Variants in HOXC4 observed in about 807,000 individuals in gnomAD.
The protein encoded by HOXC4 is homeobox C4.
Under a neutral mutation model 25.5 loss-of-function variants are expected in HOXC4, and 15 were observed. The ratio of observed to expected loss-of-function variants is 0.59; its 90% CI spans 0.39 to 0.91. The LOEUF is 0.91. Ranked by LOEUF, HOXC4 falls within the 40% of genes least tolerant of loss-of-function variation. HOXC4 has a pLI of 0.00. For missense variants in HOXC4, 342 were observed against 352.4 expected (o/e 0.97, Z 0.24); for synonymous variants, 165 against 148.0 (o/e 1.11, Z -0.83).
Position 54,054,057 on chromosome 12 carries a change from C to T in HOXC4, c.135C>T (p.Phe45=), listed in dbSNP as rs752682680. Residue 45 remains phenylalanine (F), a synonymous_variant, in exon 1 of 2, where the codon TTC becomes TTT. Transcript: ENST00000430889. The part of the protein sequence containing the change: ...EYYGRTRESG[F]QHHHQELYPP... ...ACGGCCGGACCAGGGAATCGGGATT[C>T]CAGCATCACCACCAGGAGCTGTACC... 4.3e-6 allele frequency: 7 copies of T among 1,614,072 alleles called. No homozygotes were observed. The highest frequency in any genetic ancestry group is 2.7e-5 in the African/African-American group (2 of 74,906).
At chr12:54,050,280 C>T (rs995425113), upstream of HOXC4, among the ~76,000 whole-genome samples, 11 of 152,296 alleles carry the variant, frequency 7.2e-5, no homozygotes, top group East Asian at 1.9e-4. Flanking sequence ...AGAAGGGAAG[C>T]GCTTTGTACT....
chr12:54,036,699 A>G (rs1941190783), intron 1 of HOXC4, among the ~76,000 whole-genome samples: 1 of 152,200 alleles, frequency 6.6e-6, no homozygotes, highest in Non-Finnish European at 1.5e-5. Context: ...TCTCTGAAAT[A>G]AAATGTGTAA....
intron 1 of HOXC4, chr12:54,019,933 G>T (rs1164041608): frequency 2.0e-5 from 3 of 152,130 alleles, no homozygotes; most frequent in Non-Finnish European, 1.5e-5. Flanking sequence ...AGCAGAGAAG[G>T]CATAGCAGCA....
intron 1 of HOXC4, among the ~76,000 whole-genome samples, chr12:54,040,676 A>T (rs1229589259): frequency 6.6e-6 from 1 of 152,252 alleles, no homozygotes; most frequent in Non-Finnish European, 1.5e-5. Context: ...CTATAGAGCA[A>T]ATACAGATAT....
chr12:54,024,184 C>T (rs575915974), intron 1 of HOXC4, among the ~76,000 whole-genome samples: 34 of 151,994 alleles, frequency 2.2e-4, no homozygotes, highest in African/African-American at 8.0e-4. Flanking sequence ...CCCAGTGGCA[C>T]AAAAGGGGCC....
At chr12:54,028,388 A>AG (rs1265741179) in intron 1 of HOXC4, 1 of 951,690 alleles carries the variant, frequency 1.1e-6, no homozygotes, top group East Asian at 2.6e-5. Context: ...ATTGGCTGGG[A>AG]GGGGGTCAGC....
intron 1 of HOXC4, among the ~76,000 whole-genome samples, chr12:54,026,126 G>C (rs12426399): frequency 1.2e-4 from 19 of 152,082 alleles, no homozygotes; most frequent in Admixed American, 1.0e-3. Context: ...GAAATTGGAG[G>C]GGGGGACAGA....
chr12:54,024,715 G>T (rs1940613769), intron 1 of HOXC4, among the ~76,000 whole-genome samples: 1 of 152,098 alleles, frequency 6.6e-6, no homozygotes, highest in South Asian at 2.1e-4. Context: ...CCTTTCCCTG[G>T]CCTAAAGGGG....
intron 1 of HOXC4, among the ~76,000 whole-genome samples, chr12:54,046,723 G>A (rs117861382): frequency 0.016 from 2,378 of 152,234 alleles, 26 homozygotes; most frequent in Non-Finnish European, 0.024. Flanking sequence ...AGCCACAGTG[G>A]GAGAAGGGGC....
upstream of HOXC4, among the ~76,000 whole-genome samples, chr12:54,053,712 C>A (rs1298354607): frequency 6.6e-6 from 1 of 152,110 alleles, no homozygotes; most frequent in Non-Finnish European, 1.5e-5. Flanking sequence ...ACCCCCGCCT[C>A]CCAGCACCAC....
chr12:54,026,941 C>G (rs895460762), intron 1 of HOXC4, among the ~76,000 whole-genome samples: 7 of 142,450 alleles, frequency 4.9e-5, no homozygotes, highest in Non-Finnish European at 9.1e-5. Flanking sequence ...AGCTTTCCCC[C>G]CCCCCAACCC....
At chr12:54,051,767 C>T (rs1032290452), upstream of HOXC4, among the ~76,000 whole-genome samples, 1 of 152,162 alleles carries the variant, frequency 6.6e-6, no homozygotes, top group African/African-American at 2.4e-5. Context: ...GGGGCCTAAG[C>T]ATTGGAGGAG....
rs2136449982 is a variant in HOXC4, at chr12:54,034,445, A to G, written c.-124+17031A>G. 3.1e-6 allele frequency: 5 copies of G among 1,614,256 alleles called. No homozygotes were observed. The East Asian group carries it at 8.9e-5, about 29-fold the overall frequency. The stretch of plus-strand genomic sequence containing the variant: ...CAAGATCTGGTTCCAGAACCGCAGG[A>G]TGAAGTGGAAGAAAGATTCCAAAAT... On this transcript the variant is annotated intron_variant, in intron 1 of 3. Coordinates refer to the HOXC4 transcript ENST00000303406.
At chr12:54,053,726 C>A (rs1012385428), upstream of HOXC4, among the ~76,000 whole-genome samples, 1 of 152,048 alleles carries the variant, frequency 6.6e-6, no homozygotes, top group Non-Finnish European at 1.5e-5. Flanking sequence ...GCACCACCAC[C>A]ACCACACACA....
intron 1 of HOXC4, among the ~76,000 whole-genome samples, chr12:54,046,959 C>T (rs1404987480): frequency 6.6e-6 from 1 of 152,210 alleles, no homozygotes; most frequent in African/African-American, 2.4e-5. Flanking sequence ...GAGCGAAAGT[C>T]AGATCCACCG....
At chr12:54,033,108 T>C (rs567852522) in intron 1 of HOXC4, 1 of 1,591,126 alleles carries the variant, frequency 6.3e-7, no homozygotes, top group South Asian at 1.1e-5. Flanking sequence ...GAAATTTTTT[T>C]GGGCCCTCCC....
intron 1 of HOXC4, among the ~76,000 whole-genome samples, chr12:54,042,774 C>T (rs1030668326): frequency 6.6e-6 from 1 of 152,142 alleles, no homozygotes; most frequent in Non-Finnish European, 1.5e-5. Flanking sequence ...GAAGACGATG[C>T]TGTTTGAGAG....
intron 1 of HOXC4, chr12:54,032,993 A>G (rs1447596700): frequency 1.4e-6 from 1 of 705,174 alleles, no homozygotes. Flanking sequence ...AAGAGCGCAT[A>G]GGATAAAGAA....
intron 1 of HOXC4, among the ~76,000 whole-genome samples, chr12:54,019,751 C>T (rs1940345196): frequency 6.6e-6 from 1 of 152,106 alleles, no homozygotes; most frequent in South Asian, 2.1e-4. Flanking sequence ...GTACCCACAG[C>T]GAGATTTGGA....
Sources: gnomAD v4.1 joint callset for allele counts (sites outside exome capture counted in the v4.1 genomes callset) on GRCh38, gnomAD v4.1.1 for gene constraint, MANE v1.5 for transcripts, NCBI Gene and HGNC (gene_info 2026-07-23, HGNC 2026-07-21) for gene names.